The following NF1 variants were observed in gnomAD, a reference collection of about 807,000 sequenced individuals.
The protein encoded by NF1 is neurofibromin 1.
Under a neutral mutation model 325.7 loss-of-function variants are expected in NF1, and 122 were observed. The ratio of observed to expected loss-of-function variants is 0.37; its 90% confidence interval spans 0.32 to 0.44. The LOEUF (loss-of-function observed/expected upper bound fraction) is 0.44. NF1 is among the 20% of genes least tolerant of loss of function. The pLI is 1.00. For missense variants in NF1, 2,140 were observed against 3,415.4 expected, an observed-to-expected ratio of 0.63 and a Z score of 9.31; for synonymous variants, 1,091 against 1,186.0, an observed-to-expected ratio of 0.92 and a Z score of 1.65.
At chr17:31,221,795 C>G in intron 14 of NF1, 55 bp from the exon 15 acceptor site, 1 of 1,276,146 alleles carries the variant, frequency 7.8e-7, no homozygotes, top group Non-Finnish European at 1.1e-6. Context: ...GTTATGTTTA[C>G]CAAAAATGTT....
At chr17:31,232,571 C>T (rs916581188) in intron 25 of NF1, 129 bp from the exon 26 acceptor site, 26 of 895,346 alleles carry the variant, frequency 2.9e-5, no homozygotes, top group African/African-American at 1.8e-4. Flanking sequence ...CTGATTATCG[C>T]GAGAGAGGAG....
chr17:31,277,200 CAGAGGTGGA>C (rs2068025707), intron 36 of NF1, among the ~76,000 whole-genome samples: 1 of 152,080 alleles, frequency 6.6e-6, no homozygotes, highest in South Asian at 2.1e-4. Context: ...CCCGGGCTGG[CAGAGGTGGA>C]AGTAAACCTC....
chr17:31,354,925 G>A (rs2070235441), intron 51 of NF1, among the ~76,000 whole-genome samples: 1 of 152,200 alleles, frequency 6.6e-6, no homozygotes, highest in African/African-American at 2.4e-5. Context: ...TGTGAAGGAT[G>A]TCAGAAGCTT....
At chr17:31,152,586 C>G (rs1917023639) in intron 1 of NF1, among the ~76,000 whole-genome samples, 1 of 148,740 alleles carries the variant, frequency 6.7e-6, no homozygotes, top group Non-Finnish European at 1.5e-5. Context: ...GCATTATCTT[C>G]TGTGTTAATT....
At chr17:31,325,192 A>G (rs1005937983) in intron 36 of NF1, among the ~76,000 whole-genome samples, 2 of 152,180 alleles carry the variant, frequency 1.3e-5, no homozygotes, top group African/African-American at 4.8e-5. Flanking sequence ...CACAAATGAT[A>G]TGGCCAGGGT....
intron 50 of NF1, among the ~76,000 whole-genome samples, chr17:31,351,589 G>A (rs1011266630): frequency 3.9e-5 from 6 of 152,030 alleles, no homozygotes; most frequent in Non-Finnish European, 7.4e-5. Context: ...GCTAATTTTT[G>A]TATTTTTGTA....
chr17:31,119,023 C>T (rs1227891980), intron 1 of NF1, among the ~76,000 whole-genome samples: 1 of 151,710 alleles, frequency 6.6e-6, no homozygotes, highest in Non-Finnish European at 1.5e-5. Context: ...CTCACTGCAA[C>T]CTCCGCCTGC....
At chr17:31,359,498 T>A (rs1309677099) in intron 56 of NF1, 1 of 181,756 alleles carries the variant, frequency 5.5e-6, no homozygotes, top group East Asian at 1.6e-4. Flanking sequence ...TCTCACTCTG[T>A]CTCCAGGCTG....
rs2143777263 is a variant in NF1 at position 31,181,709 on chromosome 17, G to C, written c.655-1G>C. On this transcript the variant is annotated splice_acceptor_variant, in intron 6 of 57. Coordinates refer to ENST00000358273, the MANE Select transcript of NF1 (RefSeq NM_001042492.3). LOFTEE classifies it high-confidence loss of function. ...AAAGACATGTGGTTCTTTATTTATA[G>C]GCATTTTGGAACTGGGTAGAAAATT... 1 of 1,603,758 alleles carries C rather than the reference G, an allele frequency of 6.2e-7. No individual in the cohort carries two copies. Among genetic ancestry groups the C allele is most frequent in the Non-Finnish European group, 8.5e-7 (1 of 1,170,966 alleles).
intron 23 of NF1, 29 bp downstream of exon 23, chr17:31,230,411 C>A: frequency 6.2e-7 from 1 of 1,612,056 alleles, no homozygotes; most frequent in South Asian, 1.1e-5. Flanking sequence ...AATGTAGGGT[C>A]TTGTAAATCT....
intron 1 of NF1, chr17:31,136,738 A>G (rs1915814762): frequency 6.6e-6 from 1 of 152,174 alleles, no homozygotes; most frequent in Non-Finnish European, 1.5e-5. Context: ...ATATTGTTAT[A>G]ATTGTTCTTT....
At chr17:31,204,545 T>C (rs778722739) in intron 11 of NF1, among the ~76,000 whole-genome samples, 2 of 152,114 alleles carry the variant, frequency 1.3e-5, no homozygotes, top group African/African-American at 4.8e-5. Context: ...TTCATACTTA[T>C]TTTATTTGAA....
Position 31,374,890 on chromosome 17 carries a change from C to G in NF1, c.*735C>G, listed in dbSNP as rs1468253957. On this transcript the variant is annotated 3_prime_UTR_variant, in exon 58 of 58. Coordinates refer to ENST00000358273, the MANE Select transcript of NF1 (RefSeq NM_001042492.3). ...TATGGCTTCTAAGTCCTTATCCAAA[C>G]TCAGTCATCCAAACTAGTTTATTTT... 1 of 228,354 alleles carries G rather than the reference C, an allele frequency of 4.4e-6. No individual in the cohort carries two copies. Among genetic ancestry groups the G allele is most frequent in the African/African-American group, 2.2e-5 (1 of 45,050 alleles). 14.1% of individuals were successfully genotyped at this position (228,354 alleles called of 1,614,324 possible).
intron 57 of NF1, among the ~76,000 whole-genome samples, chr17:31,363,181 T>C (rs1364027614): frequency 6.6e-6 from 1 of 152,136 alleles, no homozygotes; most frequent in Non-Finnish European, 1.5e-5. Flanking sequence ...GGTTTGACAG[T>C]TTATTTTACT....
chr17:31,297,128 C>T (rs1276236321), intron 36 of NF1: 2 of 152,146 alleles, frequency 1.3e-5, no homozygotes, highest in Non-Finnish European at 2.9e-5. Flanking sequence ...CCAAAGTCAG[C>T]CTTTTACTGA....
intron 1 of NF1, among the ~76,000 whole-genome samples, chr17:31,111,160 G>A (rs1424981388): frequency 2.0e-5 from 3 of 151,462 alleles, no homozygotes; most frequent in Non-Finnish European, 4.4e-5. Context: ...ACAGCAGAAG[G>A]CAAGACTAGA....
chr17:31,246,177 G>C (rs2067387522), intron 29 of NF1, among the ~76,000 whole-genome samples: 1 of 152,182 alleles, frequency 6.6e-6, no homozygotes, highest in Non-Finnish European at 1.5e-5. Context: ...TGAATCCTCA[G>C]CACCTGATAC....
intron 10 of NF1, 78 bp downstream of exon 10, chr17:31,201,237 T>C (rs1371514571): frequency 8.3e-6 from 13 of 1,570,728 alleles, no homozygotes; most frequent in Non-Finnish European, 1.1e-5. Flanking sequence ...TAGAGATTAA[T>C]AGGTTCACTT....
intron 1 of NF1, among the ~76,000 whole-genome samples, chr17:31,124,279 G>T (rs947391886): frequency 6.6e-6 from 1 of 151,532 alleles, no homozygotes; most frequent in Non-Finnish European, 1.5e-5. Context: ...TGCCTAGGCT[G>T]ATCTCAAACT....
Sources: gnomAD v4.1 joint callset for allele counts (sites outside exome capture counted in the v4.1 genomes callset) on GRCh38, gnomAD v4.1.1 for gene constraint, MANE v1.5 for transcripts, NCBI Gene and HGNC (gene_info 2026-07-23, HGNC 2026-07-21) for gene names.